The following ST3GAL1 variants were observed in gnomAD, a reference collection of about 807,000 sequenced individuals.
The protein encoded by ST3GAL1 is ST3 beta-galactoside alpha-2,3-sialyltransferase 1, also known as CMP-N-acetylneuraminate-beta-galactosamide-alpha-2,3-sialyltransferase 1.
ST3GAL1 carries 16 observed loss-of-function variants against 34.1 expected under a neutral mutation model. That is an observed-to-expected ratio of 0.47 (90% confidence interval 0.32 to 0.71). The LOEUF is 0.71. Ranked by LOEUF, ST3GAL1 falls within the 30% of genes least tolerant of loss-of-function variation. The pLI, the probability that ST3GAL1 is intolerant of heterozygous loss-of-function variation, is 0.04. For missense variants in ST3GAL1, 353 were observed against 447.4 expected, an observed-to-expected ratio of 0.79 and a Z score of 1.90; for synonymous variants, 191 against 184.7, an observed-to-expected ratio of 1.03 and a Z score of -0.28.
At chr8:133,561,108 CTTTT>C (rs765993286) in intron 1 of ST3GAL1, among the ~76,000 whole-genome samples, 7 of 106,208 alleles carry the variant, frequency 6.6e-5, no homozygotes, top group Non-Finnish European at 9.5e-5. Flanking sequence ...CCAGAGCCAT[CTTTT>C]TTTTTTTTTT....
At chr8:133,547,514 C>G (rs576467845) in intron 1 of ST3GAL1, among the ~76,000 whole-genome samples, 1 of 152,288 alleles carries the variant, frequency 6.6e-6, no homozygotes, top group South Asian at 2.1e-4. Flanking sequence ...CCATGCCCAG[C>G]TGCTGCTGGA....
chr8:133,563,095 C>G (rs1819295833), intron 1 of ST3GAL1, among the ~76,000 whole-genome samples: 1 of 151,988 alleles, frequency 6.6e-6, no homozygotes, highest in African/African-American at 2.4e-5. Context: ...TTTAGCCACT[C>G]TGGTGTTTTA....
rs372042337 is a variant in ST3GAL1 at position 133,511,612 on chromosome 8, C to T, written c.-428-12423G>A. ...CACCCAAACTTAGGTCACCAGGCTCCGGAGTGATGCCAACGTGCCACACCA... is the reference window on the plus strand; with the variant it reads ...CACCCAAACTTAGGTCACCAGGCTCTGGAGTGATGCCAACGTGCCACACCA... On this transcript the variant is annotated intron_variant, in intron 2 of 9. Coordinates refer to ENST00000522652, the MANE Select transcript of ST3GAL1 (RefSeq NM_173344.3). Among the ~76,000 whole-genome samples, 16 of 152,310 alleles carry T rather than the reference C, an allele frequency of 1.1e-4. 1 individual carries two copies. The South Asian group carries it at 2.9e-3, about 28-fold the overall frequency.
chr8:133,517,352 T>C (rs1374481970), intron 2 of ST3GAL1, among the ~76,000 whole-genome samples: 3 of 152,158 alleles, frequency 2.0e-5, no homozygotes, highest in Non-Finnish European at 4.4e-5. Context: ...TATTTTTTTA[T>C]TTTATTATTT....
chr8:133,495,596 C>T (rs1816921660), intron 3 of ST3GAL1, among the ~76,000 whole-genome samples: 1 of 152,204 alleles, frequency 6.6e-6, no homozygotes, highest in Non-Finnish European at 1.5e-5. Flanking sequence ...GAATGCAAGG[C>T]TCTGACTGCT....
chr8:133,502,386 A>T (rs377755373), intron 2 of ST3GAL1, among the ~76,000 whole-genome samples: 12 of 151,788 alleles, frequency 7.9e-5, no homozygotes, highest in African/African-American at 2.4e-4. Flanking sequence ...AAATGAGGTC[A>T]TAATGGTGGG....
intron 3 of ST3GAL1, among the ~76,000 whole-genome samples, chr8:133,496,645 G>A (rs1019063373): frequency 6.6e-6 from 1 of 152,184 alleles, no homozygotes; most frequent in Non-Finnish European, 1.5e-5. Flanking sequence ...TGAGACCACA[G>A]CACCTGAGGA....
In ST3GAL1 at chr8:133,556,698, T is replaced by C. The variant is rs1319362905; in HGVS notation, c.-581-10772A>G. ...AAGGGAGAAAGAAAACTATTAGCCA[T>C]GGAAACCTTGCACCCAAGGACACGG... is the stretch of plus-strand genomic sequence containing the variant. On this transcript the variant is annotated intron_variant, in intron 1 of 9. Coordinates refer to ENST00000522652, the MANE Select transcript of ST3GAL1 (RefSeq NM_173344.3). The surrounding 1 kb of genome is among the most constrained non-coding windows in gnomAD (Gnocchi z 8.9). Among the ~76,000 whole-genome samples the C allele has an allele frequency of 6.6e-6, 1 of 152,094 alleles. No individual in the cohort carries two copies. Among genetic ancestry groups the C allele is most frequent in the African/African-American group, 2.4e-5 (1 of 41,424 alleles).
chr8:133,538,493 C>T (rs538605596), intron 2 of ST3GAL1, among the ~76,000 whole-genome samples: 3 of 152,202 alleles, frequency 2.0e-5, no homozygotes, highest in African/African-American at 7.2e-5. Context: ...CCAGCCTGGG[C>T]GACAGAGCGA....
intron 1 of ST3GAL1, among the ~76,000 whole-genome samples, chr8:133,546,858 G>T (rs538174656): frequency 1.1e-3 from 161 of 152,220 alleles, no homozygotes; most frequent in Middle Eastern, 3.4e-3. Flanking sequence ...AGTTAGCCAG[G>T]TGTGGTGGCA....
chr8:133,541,917 C>T (rs947234408), intron 2 of ST3GAL1, among the ~76,000 whole-genome samples: 1 of 152,146 alleles, frequency 6.6e-6, no homozygotes, highest in Admixed American at 6.5e-5. Flanking sequence ...AGTAGAATGA[C>T]TGTTCAGCAT....
chr8:133,465,962 C>T lies in ST3GAL1; in HGVS notation c.435G>A (p.Val145=). 6.2e-7 allele frequency: 1 copy of T among 1,614,216 alleles called. No individual in the cohort carries two copies. The highest frequency in any genetic ancestry group is 8.5e-7 in the Non-Finnish European group (1 of 1,180,024). Residue 145 remains valine (V), a synonymous_variant, in exon 6 of 10, where the codon GTG becomes GTA. Coordinates refer to ENST00000522652, the MANE Select transcript of ST3GAL1 (RefSeq NM_173344.3). ...RSVGCRRCAV[V]GNSGNLRESS... ...ACTCCCTCAGGTTGCCCGAGTTGCCCACAACGGCGCAGCGCCGGCAGCCCA... is the reference window on the plus strand; with the variant it reads ...ACTCCCTCAGGTTGCCCGAGTTGCCTACAACGGCGCAGCGCCGGCAGCCCA...
rs764268995 is a variant in ST3GAL1 at position 133,461,881 on chromosome 8, G to A, written c.843C>T (p.Cys281=). The A allele has an allele frequency of 7.9e-5, 128 of 1,613,908 alleles. 2 individuals carry two copies. Among genetic ancestry groups the A allele is most frequent in the South Asian group, 5.1e-4 (46 of 91,086 alleles). The part of the protein sequence containing the change: ...ILSVIFSMHV[C]DEVDLYGFGA... Reference sequence around the variant, plus strand: ...CAGGGGGAGGGTGGCATACCTCATCGCAGACATGCATTGAGAAGATGACCG... The same window carrying A: ...CAGGGGGAGGGTGGCATACCTCATCACAGACATGCATTGAGAAGATGACCG... Residue 281 remains cysteine (C), a synonymous_variant, in exon 9 of 10, where the codon TGC becomes TGT. Coordinates refer to ENST00000522652, the MANE Select transcript of ST3GAL1 (RefSeq NM_173344.3). The surrounding 1 kb of genome is among the most constrained non-coding windows in gnomAD (Gnocchi z 4.7).
chr8:133,541,120 T>TATATATATATATATAG (rs71299078), intron 2 of ST3GAL1, among the ~76,000 whole-genome samples: 1 of 48,626 alleles, frequency 2.1e-5, no homozygotes, highest in African/African-American at 9.9e-5. Flanking sequence ...TATATATATA[T>TATATATATATATATAG]AGAGAGAGAG....
intron 1 of ST3GAL1, among the ~76,000 whole-genome samples, chr8:133,552,565 G>A (rs187459207): frequency 6.6e-6 from 1 of 152,152 alleles, no homozygotes; most frequent in Non-Finnish European, 1.5e-5. Context: ...GTCCCCTTTG[G>A]GTGCGGTGGC....
rs1281292348 is a variant in ST3GAL1, at chr8:133,571,058, AT to A, written c.-582+634del. 6.6e-6 allele frequency among the ~76,000 whole-genome samples: 1 copy of A among 152,088 alleles called. No homozygotes were observed. The highest frequency in any genetic ancestry group is 2.4e-5 in the African/African-American group (1 of 41,414). ...TCCCGGGTGTCAACTTCACCCCCAG[AT>A]CCGGAGCAGCGCGCTCTGACGGCGT... On this transcript the variant is annotated intron_variant, in intron 1 of 9. Coordinates refer to ENST00000522652, the MANE Select transcript of ST3GAL1 (RefSeq NM_173344.3). The surrounding 1 kb of genome is among the most constrained non-coding windows in gnomAD (Gnocchi z 6.7).
intron 2 of ST3GAL1, among the ~76,000 whole-genome samples, chr8:133,503,000 G>A (rs893912464): frequency 2.6e-5 from 4 of 152,188 alleles, no homozygotes; most frequent in Non-Finnish European, 1.5e-5. Context: ...TGACTAAGTA[G>A]TTCTTTCAGT....
chr8:133,540,934 C>CATATATATATAGACAT (rs751280527), intron 2 of ST3GAL1, among the ~76,000 whole-genome samples: 2 of 51,384 alleles, frequency 3.9e-5, no homozygotes, highest in African/African-American at 2.3e-4. Context: ...TATATATAGA[C>CATATATATATAGACAT]ATATATAGAC....
intron 1 of ST3GAL1, among the ~76,000 whole-genome samples, chr8:133,555,340 C>T (rs1818979983): frequency 6.6e-6 from 1 of 152,218 alleles, no homozygotes; most frequent in Admixed American, 6.5e-5. Flanking sequence ...CCAGTCCTCT[C>T]AGCCACCAGG....
Sources: gnomAD v4.1 joint callset for allele counts (sites outside exome capture counted in the v4.1 genomes callset) on GRCh38, gnomAD v4.1.1 for gene constraint, Gnocchi (gnomAD v3.1) non-coding constraint, MANE v1.5 for transcripts, NCBI Gene and HGNC (gene_info 2026-07-23, HGNC 2026-07-21) for gene names.